RBM26: variants seen among roughly 807,000 people sequenced by gnomAD.
RBM26 encodes the protein RNA-binding protein 26.
A neutral mutation model predicts 123.6 loss-of-function variants in RBM26; 30 were observed. The observed-to-expected ratio is 0.24, with a 90% CI of 0.18 to 0.33. The LOEUF (loss-of-function observed/expected upper bound fraction) is 0.33, where lower values mean the gene tolerates loss of function less well. RBM26 is among the 10% of genes least tolerant of loss of function. The probability of loss-of-function intolerance (pLI) is 1.00; values close to 1 mark genes in which losing one functional copy is unlikely to be tolerated. For missense variants in RBM26, 947 were observed against 1,203.6 expected (o/e 0.79, Z 3.15); for synonymous variants, 400 against 404.4 (o/e 0.99, Z 0.13).
chr13:79,367,166 G>T (rs190393803), intron 6 of RBM26, among the ~76,000 whole-genome samples: 1 of 151,872 alleles, frequency 6.6e-6, no homozygotes, highest in Admixed American at 6.6e-5. Context: ...CAGCACTTTG[G>T]GAGGCTGAGG....
intron 11 of RBM26, among the ~76,000 whole-genome samples, chr13:79,357,455 T>TA (rs148304771): frequency 0.024 from 3,713 of 152,078 alleles, 45 homozygotes; most frequent in African/African-American, 0.032. Context: ...AACTCAATAC[T>TA]AAAAAAACAC....
chr13:79,358,895 T>C (rs1275586592), intron 10 of RBM26, among the ~76,000 whole-genome samples: 1 of 152,164 alleles, frequency 6.6e-6, no homozygotes, highest in Non-Finnish European at 1.5e-5. Context: ...AAAAAAAGAA[T>C]TGTTGGAACT....
intron 3 of RBM26, among the ~76,000 whole-genome samples, chr13:79,374,329 C>T (rs2140159490): frequency 6.6e-6 from 1 of 152,076 alleles, no homozygotes; most frequent in Non-Finnish European, 1.5e-5. Context: ...ATTAGCTGGG[C>T]ATGGTGGCAC....
chr13:79,378,623 A>G lies in RBM26; in HGVS notation c.190+166T>C, dbSNP rs547038448. On this transcript the variant is annotated intron_variant, in intron 2 of 21. Coordinates refer to ENST00000438737, the MANE Select transcript of RBM26 (RefSeq NM_001366735.2). ...CCCGGCTAATTTTTATATTTTATGTAGAGACAGGGTTTCACCATGTTTGCC... is the reference window on the plus strand; with the variant it reads ...CCCGGCTAATTTTTATATTTTATGTGGAGACAGGGTTTCACCATGTTTGCC... 3.3e-5 allele frequency among the ~76,000 whole-genome samples: 5 copies of G among 152,230 alleles called. No homozygotes were observed. In the South Asian group the frequency reaches 1.0e-3, roughly 32 times the overall value.
chr13:79,319,953 T>TTTTTC lies in RBM26; in HGVS notation c.*667_*668insGAAAA. On this transcript the variant is annotated 3_prime_UTR_variant, in exon 22 of 22. Coordinates refer to ENST00000438737, the MANE Select transcript of RBM26 (RefSeq NM_001366735.2). ...AATCAAGGAACATTGTCTTGGCTTTTTTTTTTTTTTTTTTTTTGTCATTGC... is the reference window on the plus strand; with the variant it reads ...AATCAAGGAACATTGTCTTGGCTTTTTTTTCTTTTTTTTTTTTTTTTTGTCATTGC... 1 of 478,134 alleles carries TTTTTC rather than the reference T, an allele frequency of 2.1e-6. No individual in the cohort carries two copies. Among genetic ancestry groups the TTTTTC allele is most frequent in the Non-Finnish European group, 2.7e-6 (1 of 372,972 alleles). The allele number at this position is 478,134 out of a possible 1,614,324, so 29.6% of individuals were successfully genotyped here.
chr13:79,395,080 C>G (rs2078438326), intron 1 of RBM26, among the ~76,000 whole-genome samples: 1 of 152,206 alleles, frequency 6.6e-6, no homozygotes, highest in Non-Finnish European at 1.5e-5. Flanking sequence ...AAAAAAAAGG[C>G]ATGCCCCCTT....
chr13:79,315,290 TCA>T (rs1280293514), downstream of RBM26, among the ~76,000 whole-genome samples: 3 of 151,862 alleles, frequency 2.0e-5, no homozygotes, highest in Non-Finnish European at 4.4e-5. Flanking sequence ...TGGAAAATTT[TCA>T]CAGAGATGTG....
At chr13:79,365,431 A>T (rs143501626) in intron 9 of RBM26, 147 bp downstream of exon 9, 11 of 658,150 alleles carry the variant, frequency 1.7e-5, no homozygotes, top group Admixed American at 2.7e-5. Context: ...CCACAGAGTG[A>T]GACTCTGTCT....
intron 12 of RBM26, among the ~76,000 whole-genome samples, chr13:79,354,858 G>A (rs755570331): frequency 2.0e-5 from 3 of 152,126 alleles, no homozygotes; most frequent in African/African-American, 4.8e-5. Flanking sequence ...ATTACACACC[G>A]ATGGGGGTTG....
chr13:79,337,373 C>T, intron 18 of RBM26, 71 bp from the exon 19 acceptor site: 1 of 1,531,464 alleles, frequency 6.5e-7, no homozygotes, highest in East Asian at 2.3e-5. Context: ...TACACTCTGG[C>T]AGATGAATAA....
At chr13:79,396,427 G>C (rs1026699365) in intron 1 of RBM26, among the ~76,000 whole-genome samples, 1 of 152,136 alleles carries the variant, frequency 6.6e-6, no homozygotes, top group Non-Finnish European at 1.5e-5. Flanking sequence ...AAAGGGGAAA[G>C]GAAGCATCAC....
intron 20 of RBM26, among the ~76,000 whole-genome samples, chr13:79,326,324 T>A (rs1257627879): frequency 1.3e-5 from 2 of 152,172 alleles, no homozygotes; most frequent in Admixed American, 6.6e-5. Context: ...TTAAAATATA[T>A]TTTTAAAAGT....
At chr13:79,391,575 C>A (rs2077996409) in intron 1 of RBM26, among the ~76,000 whole-genome samples, 1 of 152,012 alleles carries the variant, frequency 6.6e-6, no homozygotes, top group Non-Finnish European at 1.5e-5. Context: ...AGGCGCCCAC[C>A]ACAACACCAG....
intron 1 of RBM26, among the ~76,000 whole-genome samples, chr13:79,387,348 C>T (rs1028141476): frequency 3.2e-4 from 48 of 152,126 alleles, no homozygotes; most frequent in Non-Finnish European, 6.0e-4. Context: ...ATTCTGGTTG[C>T]TATATTTTAA....
intron 19 of RBM26, among the ~76,000 whole-genome samples, chr13:79,335,838 C>T (rs568998014): frequency 6.6e-6 from 1 of 152,190 alleles, no homozygotes; most frequent in Admixed American, 6.5e-5. Flanking sequence ...CTATACACAA[C>T]ATACAAATTA....
rs1436050112 is a variant in RBM26, at chr13:79,319,402, T to C, written c.*1219A>G. 3.0e-5 allele frequency: 30 copies of C among 984,460 alleles called. No individual in the cohort carries two copies. Among genetic ancestry groups the C allele is most frequent in the African/African-American group, 3.5e-5 (2 of 57,146 alleles). 61.0% of individuals were successfully genotyped at this position (984,460 alleles called of 1,614,324 possible). ...TGCATTTATTTCCTGGAAACTGCCA[T>C]ATCAACTTTCAATGATCATGTTCAC... is the stretch of plus-strand genomic sequence containing the variant. On this transcript the variant is annotated 3_prime_UTR_variant, in exon 22 of 22. Coordinates refer to ENST00000438737, the MANE Select transcript of RBM26 (RefSeq NM_001366735.2).
chr13:79,375,079 T>TATATATAA (rs2076531756), intron 3 of RBM26, among the ~76,000 whole-genome samples: 1 of 21,400 alleles, frequency 4.7e-5, no homozygotes, highest in Non-Finnish European at 8.3e-5. Flanking sequence ...ATTTATATGA[T>TATATATAA]ATATATAAAT....
chr13:79,384,923 G>A (rs902364332), intron 1 of RBM26, among the ~76,000 whole-genome samples: 13 of 152,112 alleles, frequency 8.5e-5, no homozygotes, highest in African/African-American at 3.1e-4. Flanking sequence ...TTTTGCACGA[G>A]TTTCTTGGAG....
chr13:79,372,780 TTA>T (rs1255388064), intron 3 of RBM26, among the ~76,000 whole-genome samples: 6 of 8,198 alleles, frequency 7.3e-4, no homozygotes, highest in South Asian at 0.014. Flanking sequence ...TTATATATAA[TTA>T]TATGATATAT....
Sources: gnomAD v4.1 joint callset for allele counts (sites outside exome capture counted in the v4.1 genomes callset) on GRCh38, gnomAD v4.1.1 for gene constraint, MANE v1.5 for transcripts, NCBI Gene and HGNC (gene_info 2026-07-23, HGNC 2026-07-21) for gene names.